Variants in CPVL observed in about 807,000 individuals in gnomAD.
CPVL encodes probable serine carboxypeptidase CPVL.
A neutral mutation model predicts 63.7 loss-of-function variants in CPVL; 51 were observed. That is an observed-to-expected ratio of 0.80 (90% CI 0.64 to 1.01). The LOEUF is 1.01. Among genes scored for constraint, CPVL ranks in the 50% least tolerant of loss-of-function variants. The pLI, the probability that CPVL is intolerant of heterozygous loss-of-function variation, is 0.00. For synonymous variants in CPVL, 195 were observed against 206.0 expected (o/e 0.95, Z 0.46); for missense variants, 530 against 573.1 (o/e 0.92, Z 0.77).
chr7:29,060,610 T>C (rs577312644), intron 11 of CPVL, among the ~76,000 whole-genome samples: 1 of 152,332 alleles, frequency 6.6e-6, no homozygotes, highest in South Asian at 2.1e-4. Flanking sequence ...TGTATATCAC[T>C]GTAAGAAAAG....
chr7:29,067,903 A>G (rs990216610), intron 9 of CPVL, among the ~76,000 whole-genome samples: 24 of 152,038 alleles, frequency 1.6e-4, no homozygotes, highest in Non-Finnish European at 2.6e-4. Context: ...TCAACCACGC[A>G]CACACTGGCT....
chr7:29,113,934 T>G (rs1452719406), intron 2 of CPVL, among the ~76,000 whole-genome samples: 1 of 152,124 alleles, frequency 6.6e-6, no homozygotes, highest in East Asian at 1.9e-4. Context: ...AACCAGTCAC[T>G]CAAGAAAAGC....
intron 11 of CPVL, among the ~76,000 whole-genome samples, chr7:29,045,815 T>G (rs1483684888): frequency 6.6e-6 from 1 of 152,216 alleles, no homozygotes; most frequent in Non-Finnish European, 1.5e-5. Context: ...CAAAATGAGT[T>G]AGATTTGCTG....
intron 5 of CPVL, among the ~76,000 whole-genome samples, chr7:29,178,718 G>A (rs59550164): frequency 0.12 from 17,982 of 152,136 alleles, 1,256 homozygotes; most frequent in African/African-American, 0.18. Flanking sequence ...GTTATTGTTT[G>A]TTGAATGACT....
rs561269348 is a variant in CPVL at position 29,029,513 on chromosome 7, G to A, written c.1320+1064C>T. Among the ~76,000 whole-genome samples the A allele has an allele frequency of 1.8e-4, 28 of 152,290 alleles. No individual in the cohort carries two copies. The South Asian group carries it at 5.2e-3, about 28-fold the overall frequency. On this transcript the variant is annotated intron_variant, in intron 12 of 12. Coordinates refer to ENST00000265394, the MANE Select transcript of CPVL (RefSeq NM_031311.5). ...CCTATCACTTGCAGTGACATGGATG[G>A]AACTGGAGGTCGTTATGTTAAAGGA... is the stretch of plus-strand genomic sequence containing the variant.
At chr7:29,185,358 G>T (rs1470322541) in intron 3 of CPVL, among the ~76,000 whole-genome samples, 1 of 152,098 alleles carries the variant, frequency 6.6e-6, no homozygotes, top group Non-Finnish European at 1.5e-5. Flanking sequence ...GCCCCACATT[G>T]ACTGAGAAAA....
At chr7:29,058,508 T>G (rs1444691302) in intron 11 of CPVL, among the ~76,000 whole-genome samples, 1 of 152,144 alleles carries the variant, frequency 6.6e-6, no homozygotes, top group African/African-American at 2.4e-5. Flanking sequence ...TTTATATAGA[T>G]GTGAGTTTCT....
At chr7:29,063,290 C>A (rs1271758949) in intron 11 of CPVL, among the ~76,000 whole-genome samples, 1 of 152,182 alleles carries the variant, frequency 6.6e-6, no homozygotes, top group Non-Finnish European at 1.5e-5. Context: ...CAACCTCACA[C>A]CCTAAGGAGA....
At chr7:29,157,757 T>C (rs1405277797) in intron 5 of CPVL, among the ~76,000 whole-genome samples, 1 of 152,086 alleles carries the variant, frequency 6.6e-6, no homozygotes, top group Non-Finnish European at 1.5e-5. Flanking sequence ...AACACTAAAC[T>C]CATTTTTCTG....
intron 3 of CPVL, among the ~76,000 whole-genome samples, chr7:29,105,375 G>A (rs1787619050): frequency 6.6e-6 from 1 of 152,170 alleles, no homozygotes; most frequent in Admixed American, 6.5e-5. Flanking sequence ...TGAAAGGTTG[G>A]CCATACTTGG....
At chr7:29,146,235 A>G in intron 1 of CPVL, 194 bp downstream of exon 1, 1 of 204,002 alleles carries the variant, frequency 4.9e-6, no homozygotes, top group Admixed American at 5.4e-5. Flanking sequence ...CACGCAGTAC[A>G]TCCCCAATGC....
intron 12 of CPVL, among the ~76,000 whole-genome samples, chr7:29,015,072 GAAAC>G (rs935496024): frequency 6.6e-6 from 1 of 152,206 alleles, no homozygotes; most frequent in African/African-American, 2.4e-5. Context: ...GTGTAGTCAA[GAAAC>G]AAACAAAAGT....
intron 3 of CPVL, among the ~76,000 whole-genome samples, chr7:29,107,310 T>C (rs1787812372): frequency 6.6e-6 from 1 of 152,248 alleles, no homozygotes. Context: ...GGAACTAGCC[T>C]GAAGGCTGGC....
intron 11 of CPVL, among the ~76,000 whole-genome samples, chr7:29,051,922 TATATATATTCCAAATATATATATGA>T (rs113076771): frequency 0.15 from 21,132 of 138,456 alleles, 1,847 homozygotes; most frequent in East Asian, 0.27. Context: ...ATATTCCACA[TATATATATTCCAAATATATATATGA>T]ATATATATAT....
rs184793425 is a variant in CPVL at position 29,179,490 on chromosome 7, G to T, written c.-11+1800C>A. On this transcript the variant is annotated intron_variant, in intron 5 of 16. Transcript: ENST00000409850. ...AGATGCTAGAAAATCCAGGAACCCA[G>T]ACTCAACACAAATTCTTCAGGAGTG... 6.6e-5 allele frequency among the ~76,000 whole-genome samples: 10 copies of T among 152,314 alleles called. No individual in the cohort carries two copies. In the South Asian group the frequency reaches 1.2e-3, roughly 19 times the overall value.
chr7:29,006,328 ATTC>A (rs1785192391), intron 12 of CPVL, among the ~76,000 whole-genome samples: 2 of 152,296 alleles, frequency 1.3e-5, no homozygotes. Context: ...ACATTCTGAC[ATTC>A]TTCTTCTTTC....
At chr7:29,160,011 A>G (rs543812132) in intron 5 of CPVL, among the ~76,000 whole-genome samples, 37 of 152,308 alleles carry the variant, frequency 2.4e-4, no homozygotes, top group African/African-American at 8.7e-4. Context: ...TGCCCTGTCC[A>G]TCAGCACACA....
At chr7:29,092,234 C>A in intron 6 of CPVL, among the ~76,000 whole-genome samples, 1 of 144,160 alleles carries the variant, frequency 6.9e-6, no homozygotes, top group South Asian at 2.2e-4. Context: ...AGAGAGAATA[C>A]TAGAGACTAA....
chr7:29,100,429 C>T (rs1037290046), intron 3 of CPVL, among the ~76,000 whole-genome samples: 3 of 152,240 alleles, frequency 2.0e-5, no homozygotes, highest in South Asian at 2.1e-4. Flanking sequence ...GTGCAGGCGG[C>T]GCCAAGGGTC....
Sources: gnomAD v4.1 joint callset for allele counts (sites outside exome capture counted in the v4.1 genomes callset) on GRCh38, gnomAD v4.1.1 for gene constraint, MANE v1.5 for transcripts, NCBI Gene and HGNC (gene_info 2026-07-23, HGNC 2026-07-21) for gene names.